XXYLT1: variants seen among roughly 807,000 people sequenced by gnomAD.
The protein encoded by XXYLT1 is xyloside xylosyltransferase 1, also known as UDP-xylose:alpha-xyloside alpha-1,3-xylosyltransferase.
In XXYLT1, 20 loss-of-function variants were observed where a neutral mutation model predicts 28.9. The observed-to-expected ratio is 0.69, with a 90% CI of 0.49 to 1.00. The LOEUF is 1.00. Ranked by LOEUF, XXYLT1 falls within the 50% of genes least tolerant of loss-of-function variation. The pLI is 0.00. For synonymous variants in XXYLT1, 257 were observed against 253.8 expected (o/e 1.01, Z -0.12); for missense variants, 542 against 560.1 (o/e 0.97, Z 0.33).
chr3:195,134,866 T>C (rs757715799), intron 3 of XXYLT1, among the ~76,000 whole-genome samples: 5,623 of 93,530 alleles, frequency 0.06, 147 homozygotes, highest in African/African-American at 0.13. Flanking sequence ...TGTGTGTGTG[T>C]GTGCGTGTGC....
chr3:195,114,843 G>C (rs114434529), intron 3 of XXYLT1, among the ~76,000 whole-genome samples: 90 of 152,352 alleles, frequency 5.9e-4, no homozygotes, highest in Non-Finnish European at 1.0e-3. Flanking sequence ...AACCAGGGAG[G>C]AGTGAAGCCG....
At chr3:195,191,229 T>C (rs2108751763) in intron 2 of XXYLT1, among the ~76,000 whole-genome samples, 1 of 152,266 alleles carries the variant, frequency 6.6e-6, no homozygotes, top group East Asian at 1.9e-4. Context: ...TGCCTACCTC[T>C]CCTGCCTCCC....
At position 195,212,178 on chromosome 3, in the gene XXYLT1, C is replaced by A. The variant is rs1259746779; in HGVS notation, c.652+14531G>T. On this transcript the variant is annotated intron_variant, in intron 2 of 3. Coordinates refer to ENST00000310380, the MANE Select transcript of XXYLT1 (RefSeq NM_152531.5). ...AGGAGAGGGGGCAAGCCATGGAATG[C>A]CACCGGGAGAGTGGCCCAGGTGGAG... Among the ~76,000 whole-genome samples, 5 of 152,158 alleles carry A rather than the reference C, an allele frequency of 3.3e-5. No individual in the cohort carries two copies. The East Asian group carries it at 7.7e-4, about 24-fold the overall frequency.
At chr3:195,171,686 CTT>C (rs982952391) in intron 2 of XXYLT1, among the ~76,000 whole-genome samples, 1 of 152,216 alleles carries the variant, frequency 6.6e-6, no homozygotes, top group Non-Finnish European at 1.5e-5. Context: ...ATGCCCTGCC[CTT>C]TCTCTCCTCT....
chr3:195,155,009 G>T (rs540022309), intron 3 of XXYLT1, among the ~76,000 whole-genome samples: 1 of 152,186 alleles, frequency 6.6e-6, no homozygotes, highest in African/African-American at 2.4e-5. Flanking sequence ...AAGATGGCAG[G>T]TGTCTGCCCA....
rs536219303 is a variant in XXYLT1, at chr3:195,173,214, G to C, written c.653-16633C>G. Among the ~76,000 whole-genome samples the C allele has an allele frequency of 6.6e-6, 1 of 152,230 alleles. No individual in the cohort carries two copies. The highest frequency in any genetic ancestry group is 2.1e-4 in the South Asian group (1 of 4,826). On this transcript the variant is annotated intron_variant, in intron 2 of 3. Coordinates refer to ENST00000310380, the MANE Select transcript of XXYLT1 (RefSeq NM_152531.5). This position sits in a 1 kb window ranked among gnomAD's most constrained non-coding sequence, Gnocchi z 4.3. ...CATAGAGCTCTCCCACTAGGGAACC[G>C]CATCTCCCCTGCATTTTAGGTCCCC...
At chr3:195,104,666 G>T (rs1716991386) in intron 3 of XXYLT1, among the ~76,000 whole-genome samples, 1 of 152,184 alleles carries the variant, frequency 6.6e-6, no homozygotes, top group African/African-American at 2.4e-5. Context: ...AGGGGTTCTG[G>T]AGAAAAGGCA....
At chr3:195,090,793 GAA>G (rs1215526501) in intron 3 of XXYLT1, among the ~76,000 whole-genome samples, 1 of 149,112 alleles carries the variant, frequency 6.7e-6, no homozygotes, top group Non-Finnish European at 1.5e-5. Context: ...GACTAATAAA[GAA>G]AAAAAGAGAG....
intron 3 of XXYLT1, chr3:195,122,107 G>A (rs1479251139): frequency 1.4e-5 from 10 of 702,882 alleles, no homozygotes; most frequent in Non-Finnish European, 2.1e-5. Flanking sequence ...GTTCACAGAT[G>A]GCTGCCTTTC....
chr3:195,191,264 C>A (rs542090744), intron 2 of XXYLT1, among the ~76,000 whole-genome samples: 4 of 152,274 alleles, frequency 2.6e-5, no homozygotes, highest in African/African-American at 7.2e-5. Context: ...ACCTCTGCCA[C>A]CCCTCAGAAA....
At chr3:195,165,183 G>C (rs1721056273) in intron 2 of XXYLT1, among the ~76,000 whole-genome samples, 1 of 152,136 alleles carries the variant, frequency 6.6e-6, no homozygotes, top group Non-Finnish European at 1.5e-5. Context: ...CTTCCCTGGA[G>C]TTACACTGTC....
chr3:195,204,466 TCACTCTCTCA>T (rs1237388957), intron 2 of XXYLT1, among the ~76,000 whole-genome samples: 1 of 135,618 alleles, frequency 7.4e-6, no homozygotes, highest in Non-Finnish European at 1.6e-5. Context: ...ACACACACAC[TCACTCTCTCA>T]CTCTCTCTCT....
intron 3 of XXYLT1, among the ~76,000 whole-genome samples, chr3:195,126,077 A>G (rs1043516022): frequency 2.6e-5 from 4 of 152,226 alleles, no homozygotes; most frequent in South Asian, 2.1e-4. Flanking sequence ...CATGCATGCC[A>G]TAAGGTTATT....
At chr3:195,263,714 G>C (rs1294537381) in intron 1 of XXYLT1, among the ~76,000 whole-genome samples, 1 of 152,180 alleles carries the variant, frequency 6.6e-6, no homozygotes, top group Non-Finnish European at 1.5e-5. Flanking sequence ...GGGATGTGCA[G>C]TTTCCTTCTT....
At chr3:195,175,222 C>T (rs1008021401) in intron 2 of XXYLT1, among the ~76,000 whole-genome samples, 1 of 152,178 alleles carries the variant, frequency 6.6e-6, no homozygotes, top group Non-Finnish European at 1.5e-5. Context: ...CAGTAATGCT[C>T]GGCCTAAGTC....
intron 1 of XXYLT1, among the ~76,000 whole-genome samples, chr3:195,229,108 G>A (rs568434321): frequency 5.3e-4 from 80 of 152,126 alleles, no homozygotes; most frequent in African/African-American, 1.7e-3. Flanking sequence ...CACCGCGCCC[G>A]GCCTGTATCT....
intron 3 of XXYLT1, among the ~76,000 whole-genome samples, chr3:195,144,006 T>TGC (rs995727505): frequency 2.0e-5 from 3 of 148,974 alleles, no homozygotes; most frequent in African/African-American, 7.3e-5. Context: ...GCAATTCTCC[T>TGC]GCTCAGACTC....
At position 195,173,295 on chromosome 3, in the gene XXYLT1, A is replaced by G. The variant is rs1453771849; in HGVS notation, c.653-16714T>C. On this transcript the variant is annotated intron_variant, in intron 2 of 3. Coordinates refer to ENST00000310380, the MANE Select transcript of XXYLT1 (RefSeq NM_152531.5). The surrounding 1 kb of genome is among the most constrained non-coding windows in gnomAD (Gnocchi z 4.3). ...ACAGAGAGTGTAGCTGCTACTCCTC[A>G]AGGAAAGAAAATACCAGGAAGGCTC... 6.6e-6 allele frequency among the ~76,000 whole-genome samples: 1 copy of G among 152,176 alleles called. No homozygotes were observed. The highest frequency in any genetic ancestry group is 1.5e-5 in the Non-Finnish European group (1 of 68,030).
chr3:195,097,428 A>G lies in XXYLT1; in HGVS notation c.786-27317T>C, dbSNP rs182381060. On this transcript the variant is annotated intron_variant, in intron 3 of 3. Coordinates refer to ENST00000310380, the MANE Select transcript of XXYLT1 (RefSeq NM_152531.5). ...TGGGTTACAACAGCAGCAAATGCGT[A>G]TCAACACGTAGCTAGCACCACGTGC... 1.3e-3 allele frequency among the ~76,000 whole-genome samples: 199 copies of G among 152,362 alleles called. 1 individual carries two copies. Among genetic ancestry groups the G allele is most frequent in the Middle Eastern group, 3.4e-3 (1 of 294 alleles).
Sources: allele counts gnomAD v4.1 joint callset (sites outside exome capture counted in the v4.1 genomes callset), GRCh38; gene constraint gnomAD v4.1.1; non-coding constraint Gnocchi (gnomAD v3.1); transcripts MANE v1.5; gene names NCBI Gene and HGNC (gene_info 2026-07-23, HGNC 2026-07-21).